PDE3A: variants seen among roughly 807,000 people sequenced by gnomAD.
The protein encoded by PDE3A is phosphodiesterase 3A, also known as cGMP-inhibited 3',5'-cyclic phosphodiesterase 3A.
PDE3A carries 43 observed loss-of-function variants against 98.3 expected under a neutral mutation model. That is an observed-to-expected ratio of 0.44 (90% CI 0.34 to 0.56). PDE3A has a LOEUF of 0.56. Among genes scored for constraint, PDE3A ranks in the 20% least tolerant of loss-of-function variants. PDE3A has a pLI of 0.01. For synonymous variants in PDE3A, 663 were observed against 567.9 expected (o/e 1.17, Z -2.38); for missense variants, 1,427 against 1,440.7 (o/e 0.99, Z 0.15).
At chr12:20,608,118 T>A (rs904314196) in intron 2 of PDE3A, among the ~76,000 whole-genome samples, 3 of 152,204 alleles carry the variant, frequency 2.0e-5, no homozygotes, top group African/African-American at 4.8e-5. Context: ...CCATCCTTTG[T>A]AGCTTACCTG....
chr12:20,639,556 G>T (rs1175309824), intron 9 of PDE3A, among the ~76,000 whole-genome samples: 4 of 152,052 alleles, frequency 2.6e-5, no homozygotes, highest in Non-Finnish European at 5.9e-5. Flanking sequence ...CAGCTGAAAT[G>T]AATTAATGTG....
chr12:20,382,871 G>A (rs1412599022), intron 1 of PDE3A, among the ~76,000 whole-genome samples: 1 of 151,908 alleles, frequency 6.6e-6, no homozygotes, highest in Admixed American at 6.6e-5. Flanking sequence ...ATTTCAGAAA[G>A]CACTATGTAA....
rs1218901131 is a variant in PDE3A at position 20,385,845 on chromosome 12, G to A, written c.960+15601G>A. Among the ~76,000 whole-genome samples, 11 of 148,424 alleles carry A rather than the reference G, an allele frequency of 7.4e-5. No homozygotes were observed. The East Asian group carries it at 2.0e-3, about 27-fold the overall frequency. On this transcript the variant is annotated intron_variant, in intron 1 of 15. Coordinates refer to ENST00000359062, the MANE Select transcript of PDE3A (RefSeq NM_000921.5). ...AGGAGATATACCTAATGTAAATGAC[G>A]AGTTAATGGGTGCAGCACACCAACA... is the stretch of plus-strand genomic sequence containing the variant.
Position 20,468,829 on chromosome 12 carries a change from A to G in PDE3A, c.961-87831A>G, listed in dbSNP as rs567835981. 3.1e-4 allele frequency among the ~76,000 whole-genome samples: 47 copies of G among 152,352 alleles called. 1 individual carries two copies. The highest frequency in any genetic ancestry group is 1.8e-3 in the Admixed American group (27 of 15,300). ...TACACAAAGGGTGGAAGAGCCACTA[A>G]GCATCCTCTCAAAGTTTCAAATATA... is the stretch of plus-strand genomic sequence containing the variant. On this transcript the variant is annotated intron_variant, in intron 1 of 15. Transcript: ENST00000359062.
intron 1 of PDE3A, among the ~76,000 whole-genome samples, chr12:20,511,315 C>T (rs1946217257): frequency 6.6e-6 from 1 of 151,752 alleles, no homozygotes; most frequent in Non-Finnish European, 1.5e-5. Flanking sequence ...ATTGAAGGAA[C>T]CAGAGATCTG....
Position 20,629,976 on chromosome 12 carries a change from A to G in PDE3A, c.1609A>G (p.Ser537Gly). Residue 537 changes from serine (S) to glycine (G), a missense_variant, in exon 6 of 16, where the codon AGC (serine) becomes GGC (glycine). Ser to Gly is a moderately conservative substitution (Grantham distance 56, BLOSUM62 0). Coordinates refer to ENST00000359062, the MANE Select transcript of PDE3A (RefSeq NM_000921.5). ...ACCTCTCCAAGGGACTCCTGCCAGC[A>G]GCCTGGTCAGCAAAATTTCTGCAGT... ...SSPLQGTPASSLVSKISAVQF... is the reference protein window; with the variant it reads ...SSPLQGTPASGLVSKISAVQF... 1 of 1,614,082 alleles carries G rather than the reference A, an allele frequency of 6.2e-7. No individual in the cohort carries two copies. Among genetic ancestry groups the G allele is most frequent in the Non-Finnish European group, 8.5e-7 (1 of 1,179,976 alleles).
In PDE3A at chr12:20,654,127, A is replaced by T. The variant is rs374920240; in HGVS notation, c.3106A>T (p.Thr1036Ser). The change falls in exon 15 of 16, where the codon ACT becomes TCT. Residue 1036 changes from threonine (T) to serine (S), a missense_variant. By Grantham distance (58) the Thr-to-Ser change is moderately conservative. This residue lies in a region of PDE3A where 142 missense variants were observed against 133.9 expected (regional missense o/e 1.06). Coordinates refer to ENST00000359062, the MANE Select transcript of PDE3A (RefSeq NM_000921.5). ...GGAAGACAGCGATGAGTCAGGAGAT[A>T]CTGATGACCCAGAAGAAGAGGAGGA... ...WVEDSDESGD[T>S]DDPEEEEEEA... 5.9e-5 allele frequency: 96 copies of T among 1,613,978 alleles called. No individual in the cohort carries two copies. In the South Asian group the frequency reaches 7.5e-4, roughly 13 times the overall value.
chr12:20,381,391 A>C (rs1943660534), intron 1 of PDE3A, among the ~76,000 whole-genome samples: 1 of 151,912 alleles, frequency 6.6e-6, no homozygotes, highest in Non-Finnish European at 1.5e-5. Context: ...AATCAAATGA[A>C]TAATTCCTCA....
At chr12:20,648,666 C>T (rs1944834114) in intron 12 of PDE3A, 22 bp from the exon 13 acceptor site, 1 of 1,497,710 alleles carries the variant, frequency 6.7e-7, no homozygotes, top group East Asian at 2.3e-5. Context: ...AAGTTGAACT[C>T]TTAACTGTCT....
At chr12:20,600,183 A>G (rs1310618959) in intron 2 of PDE3A, among the ~76,000 whole-genome samples, 1 of 152,138 alleles carries the variant, frequency 6.6e-6, no homozygotes, top group African/African-American at 2.4e-5. Context: ...GACCATATAT[A>G]TGTCTTCAAT....
chr12:20,548,540 C>G (rs1341950435), intron 1 of PDE3A, among the ~76,000 whole-genome samples: 1 of 152,030 alleles, frequency 6.6e-6, no homozygotes, highest in Non-Finnish European at 1.5e-5. Context: ...ATCTCTCCCT[C>G]TCTGTTTTAT....
At chr12:20,648,943 T>TTTTG (rs1944849271) in intron 13 of PDE3A, 52 bp downstream of exon 13, 1 of 1,155,840 alleles carries the variant, frequency 8.7e-7, no homozygotes. Flanking sequence ...TTTTTTTTTT[T>TTTTG]GAGACAGAGT....
chr12:20,378,185 G>C (rs1382159969), intron 1 of PDE3A, among the ~76,000 whole-genome samples: 2 of 151,546 alleles, frequency 1.3e-5, no homozygotes, highest in Non-Finnish European at 3.0e-5. Flanking sequence ...TAGGAATTTA[G>C]ATTAGGTGAG....
At chr12:20,573,883 T>C (rs541510731) in intron 2 of PDE3A, among the ~76,000 whole-genome samples, 1 of 152,208 alleles carries the variant, frequency 6.6e-6, no homozygotes, top group Admixed American at 6.5e-5. Context: ...CAAACAGTCT[T>C]GTAAATGTGC....
intron 1 of PDE3A, among the ~76,000 whole-genome samples, chr12:20,441,674 C>T (rs1565550308): frequency 6.6e-6 from 1 of 152,152 alleles, no homozygotes; most frequent in Non-Finnish European, 1.5e-5. Context: ...TTTGGTACTA[C>T]AGGGAAGGAT....
rs1270734681 is a variant in PDE3A, at chr12:20,431,405, C to T, written c.960+61161C>T. On this transcript the variant is annotated intron_variant, in intron 1 of 15. Coordinates refer to ENST00000359062, the MANE Select transcript of PDE3A (RefSeq NM_000921.5). ...TTTGAGAGTATGAGGATTGTATACA[C>T]GATGTATATAATGTTGGAGAAAAAG... 4.6e-5 allele frequency among the ~76,000 whole-genome samples: 7 copies of T among 152,082 alleles called. No homozygotes were observed. The South Asian group carries it at 1.0e-3, about 23-fold the overall frequency.
intron 1 of PDE3A, among the ~76,000 whole-genome samples, chr12:20,468,562 A>T (rs1945383549): frequency 6.6e-6 from 1 of 152,228 alleles, no homozygotes; most frequent in African/African-American, 2.4e-5. Context: ...ACTGACAGCA[A>T]GGGCTGCCTG....
At chr12:20,446,771 G>T (rs1395691976) in intron 1 of PDE3A, among the ~76,000 whole-genome samples, 1 of 152,130 alleles carries the variant, frequency 6.6e-6, no homozygotes, top group African/African-American at 2.4e-5. Context: ...GTTATCTATA[G>T]GTAGTTATGG....
At chr12:20,492,488 T>C (rs535865508) in intron 1 of PDE3A, among the ~76,000 whole-genome samples, 1 of 152,144 alleles carries the variant, frequency 6.6e-6, no homozygotes, top group East Asian at 1.9e-4. Context: ...TACCTAGTTA[T>C]AGAAGTATTA....
Sources: allele counts gnomAD v4.1 joint callset (sites outside exome capture counted in the v4.1 genomes callset), GRCh38; gene constraint gnomAD v4.1.1; regional missense constraint gnomAD v4.1.1; transcripts MANE v1.5; gene names NCBI Gene and HGNC (gene_info 2026-07-23, HGNC 2026-07-21).